ARFIP1: variants seen among roughly 807,000 people sequenced by gnomAD.
ARFIP1 encodes the protein arfaptin-1.
In ARFIP1, 24 loss-of-function variants were observed where a neutral mutation model predicts 42.5. The ratio of observed to expected loss-of-function variants is 0.57; its 90% confidence interval spans 0.41 to 0.80. The LOEUF (loss-of-function observed/expected upper bound fraction) is 0.80. Ranked by LOEUF, ARFIP1 falls within the 30% of genes least tolerant of loss-of-function variation. The probability of loss-of-function intolerance (pLI) is 0.00; values close to 1 mark genes in which losing one functional copy is unlikely to be tolerated. For missense variants in ARFIP1, 354 were observed against 434.0 expected (o/e 0.82, Z 1.64); for synonymous variants, 141 against 153.7 (o/e 0.92, Z 0.61).
intron 8 of ARFIP1, among the ~76,000 whole-genome samples, chr4:152,891,680 TAGC>T (rs552899897): frequency 1.1e-3 from 172 of 152,182 alleles, no homozygotes; most frequent in African/African-American, 4.1e-3. Context: ...GTAATCTACT[TAGC>T]ACTTTAATTT....
At position 152,804,390 on chromosome 4, in the gene ARFIP1, T is replaced by C. The variant is rs186810056; in HGVS notation, c.-10+24164T>C. Among the ~76,000 whole-genome samples the C allele has an allele frequency of 4.3e-3, 439 of 101,834 alleles. 1 individual carries two copies. The highest frequency in any genetic ancestry group is 0.04 in the East Asian group (137 of 3,432). The allele number at this position is 101,834 out of a possible 152,430, so 66.8% of individuals were successfully genotyped here. A position where few individuals can be genotyped will look rare whatever the true frequency, so the allele number is the denominator to read the frequency against. On this transcript the variant is annotated intron_variant, in intron 1 of 8. Coordinates refer to ENST00000353617, the MANE Select transcript of ARFIP1 (RefSeq NM_001025595.3). ...ATTATATATAATATAACATGTATTA[T>C]ATATTATATATAATATAACATGTAT... is the stretch of plus-strand genomic sequence containing the variant.
chr4:152,883,386 A>G (rs1274182755), intron 7 of ARFIP1: 1 of 152,192 alleles, frequency 6.6e-6, no homozygotes, highest in East Asian at 1.9e-4. Flanking sequence ...CTGCTTCCAC[A>G]ATAGCCAGAC....
chr4:152,798,654 A>G (rs1180335870), intron 1 of ARFIP1, among the ~76,000 whole-genome samples: 1 of 152,170 alleles, frequency 6.6e-6, no homozygotes, highest in East Asian at 1.9e-4. Context: ...CATTCCCTCC[A>G]GTGTATTTCT....
At chr4:152,885,583 A>G (rs1736194637) in intron 7 of ARFIP1, among the ~76,000 whole-genome samples, 2 of 151,946 alleles carry the variant, frequency 1.3e-5, no homozygotes, top group South Asian at 4.2e-4. Flanking sequence ...CTTGGTGGTA[A>G]TGAGCACTGT....
At chr4:152,822,342 A>G (rs1730457702) in intron 1 of ARFIP1, among the ~76,000 whole-genome samples, 1 of 151,874 alleles carries the variant, frequency 6.6e-6, no homozygotes, top group Non-Finnish European at 1.5e-5. Context: ...ATATAATAGT[A>G]AAAAGTTCAA....
chr4:152,841,909 A>T (rs745855407), intron 2 of ARFIP1, among the ~76,000 whole-genome samples: 3 of 152,116 alleles, frequency 2.0e-5, no homozygotes, highest in Admixed American at 6.6e-5. Flanking sequence ...TCTCAACTGC[A>T]CAACCCCTAC....
In ARFIP1 at chr4:152,804,285, C is replaced by T. The variant is rs1340262759; in HGVS notation, c.-10+24059C>T. On this transcript the variant is annotated intron_variant, in intron 1 of 8. Transcript: ENST00000353617. ...ATTATATATTATATATATAACATAA[C>T]ATGTATTATATATATTATATATATA... 6.9e-5 allele frequency among the ~76,000 whole-genome samples: 5 copies of T among 72,232 alleles called. 1 individual carries two copies. The highest frequency in any genetic ancestry group is 3.1e-4 in the African/African-American group (5 of 16,062). 47.4% of individuals were successfully genotyped at this position (72,232 alleles called of 152,430 possible).
intron 2 of ARFIP1, among the ~76,000 whole-genome samples, chr4:152,848,977 A>G (rs1732775263): frequency 6.6e-6 from 1 of 152,204 alleles, no homozygotes; most frequent in Non-Finnish European, 1.5e-5. Context: ...AGTTTTGACC[A>G]AATATGTATG....
chr4:152,863,994 G>A (rs1376480898), intron 3 of ARFIP1, among the ~76,000 whole-genome samples: 2 of 152,170 alleles, frequency 1.3e-5, no homozygotes, highest in Non-Finnish European at 2.9e-5. Flanking sequence ...AAATGTAGAT[G>A]TAGATTATTT....
chr4:152,871,504 T>C (rs1357244141), intron 4 of ARFIP1, among the ~76,000 whole-genome samples: 1 of 152,176 alleles, frequency 6.6e-6, no homozygotes, highest in Non-Finnish European at 1.5e-5. Context: ...AATTCTTAAA[T>C]GTGTTCTATT....
intron 1 of ARFIP1, among the ~76,000 whole-genome samples, chr4:152,806,453 C>T (rs1165764636): frequency 1.3e-5 from 2 of 152,018 alleles, no homozygotes; most frequent in Non-Finnish European, 2.9e-5. Context: ...TGGGGGCCTG[C>T]AGGAAAAATA....
At chr4:152,898,461 TC>T (rs138185010) in intron 8 of ARFIP1, among the ~76,000 whole-genome samples, 2,314 of 152,260 alleles carry the variant, frequency 0.015, 64 homozygotes, top group African/African-American at 0.053. Flanking sequence ...CCTTATTTCT[TC>T]CCTTAAATTT....
chr4:152,808,738 T>C (rs1468777965), intron 1 of ARFIP1, among the ~76,000 whole-genome samples: 1 of 152,138 alleles, frequency 6.6e-6, no homozygotes, highest in Non-Finnish European at 1.5e-5. Context: ...CTGAATGACT[T>C]TGTAGCTCCT....
intron 1 of ARFIP1, among the ~76,000 whole-genome samples, chr4:152,822,296 TAAAA>T (rs70949618): frequency 0.016 from 1,065 of 65,570 alleles, 16 homozygotes; most frequent in African/African-American, 0.05. Context: ...GCAACAGCAG[TAAAA>T]AAAAAAAAAA....
Position 152,911,608 on chromosome 4 carries a change from G to A in ARFIP1, c.*1389G>A, listed in dbSNP as rs543541797. On this transcript the variant is annotated 3_prime_UTR_variant, in exon 9 of 9. Transcript: ENST00000353617. ...TCCCTCACCTGTTCATTTCTTCTGT[G>A]TTGAAATGAAGTACTTAAAATTACC... The A allele has an allele frequency of 1.3e-5, 2 of 152,690 alleles. No individual in the cohort carries two copies. Among genetic ancestry groups the A allele is most frequent in the East Asian group, 3.9e-4 (2 of 5,186 alleles). 9.5% of individuals were successfully genotyped at this position (152,690 alleles called of 1,614,324 possible).
At chr4:152,903,314 A>T (rs1457548556) in intron 8 of ARFIP1, among the ~76,000 whole-genome samples, 2 of 152,232 alleles carry the variant, frequency 1.3e-5, no homozygotes, top group African/African-American at 4.8e-5. Flanking sequence ...GATTTAGAAG[A>T]TACACTACCA....
In ARFIP1 at chr4:152,846,920, C is replaced by T. The variant is rs952444492; in HGVS notation, c.94-16686C>T. Among the ~76,000 whole-genome samples the T allele has an allele frequency of 8.9e-4, 9 of 10,150 alleles. No homozygotes were observed. In the Non-Finnish European group the frequency reaches 9.1e-3, roughly 10 times the overall value. The allele number at this position is 10,150 out of a possible 152,430, so 6.7% of individuals were successfully genotyped here. A position where few individuals can be genotyped will look rare whatever the true frequency, so the allele number is the denominator to read the frequency against. ...CACTGTGGCACAGGCAATGAAATTA[C>T]AATTTTTTTTTTTTGTTCTTGTTTG... On this transcript the variant is annotated intron_variant, in intron 2 of 8. Coordinates refer to ENST00000353617, the MANE Select transcript of ARFIP1 (RefSeq NM_001025595.3).
intron 1 of ARFIP1, chr4:152,796,024 T>G (rs1281713650): frequency 1.6e-6 from 1 of 641,412 alleles, no homozygotes; most frequent in Non-Finnish European, 2.9e-6. Flanking sequence ...GTTTTTTCAG[T>G]TGGTGTGTAG....
At position 152,896,886 on chromosome 4, in the gene ARFIP1, A is replaced by G. The variant is rs1176666117; in HGVS notation, c.966+8579A>G. Among the ~76,000 whole-genome samples, 9 of 152,342 alleles carry G rather than the reference A, an allele frequency of 5.9e-5. No individual in the cohort carries two copies. The South Asian group carries it at 1.9e-3, about 32-fold the overall frequency. On this transcript the variant is annotated intron_variant, in intron 8 of 8. Coordinates refer to ENST00000353617, the MANE Select transcript of ARFIP1 (RefSeq NM_001025595.3). ...CTCTTAGCTCAAAATTAGATGATTA[A>G]TTCTGTGTTGGTGAGAATAGAAAAA...
Sources: allele counts gnomAD v4.1 joint callset (sites outside exome capture counted in the v4.1 genomes callset), GRCh38; gene constraint gnomAD v4.1.1; transcripts MANE v1.5; gene names NCBI Gene and HGNC (gene_info 2026-07-23, HGNC 2026-07-21).